The following CROCC variants were observed in gnomAD, a reference collection of about 807,000 sequenced individuals.
CROCC encodes rootletin.
In CROCC, 180 loss-of-function variants were observed where a neutral mutation model predicts 245.2. The ratio of observed to expected loss-of-function variants is 0.73; its 90% confidence interval spans 0.65 to 0.83. The LOEUF is 0.83. Ranked by LOEUF, CROCC falls within the 40% of genes least tolerant of loss-of-function variation. CROCC has a pLI of 0.00. For missense variants in CROCC, 2,688 were observed against 2,779.4 expected, an observed-to-expected ratio of 0.97 and a Z score of 0.74; for synonymous variants, 1,205 against 1,241.6, an observed-to-expected ratio of 0.97 and a Z score of 0.62.
In CROCC at chr1:16,937,634, A is replaced by G; in HGVS notation, c.1194-7A>G. The stretch of plus-strand genomic sequence containing the variant: ...CGTATTCACCTCTGTTGCTCCCCCA[A>G]CTCCAGAGTGACAGAGCTGGGCCTG... On this transcript the variant is annotated splice_region_variant and splice_polypyrimidine_tract_variant and intron_variant, in intron 9 of 36. Transcript: ENST00000375541. 1 of 1,608,294 alleles carries G rather than the reference A, an allele frequency of 6.2e-7. No individual in the cohort carries two copies.
rs1293651006 is a variant in CROCC at position 16,971,558 on chromosome 1, C to G, written c.5878C>G (p.Arg1960Gly). The change falls in exon 36 of 37, where the codon CGG becomes GGG. Residue 1960 changes from arginine to glycine, a missense_variant. Around this residue, in one of 9 missense-constraint regions of CROCC, gnomAD observed 1,218 missense variants for 1,286.3 expected, o/e 0.95. Transcript: ENST00000375541. ...GCTGGAGCTGCAGCAGGAGGTGGAG[C>G]GGCTGCGCAGCGCCCAGGCGCAGAC... ...QQLELQQEVE[R>G]LRSAQAQTER... The G allele has an allele frequency of 1.3e-5, 20 of 1,536,276 alleles. No individual in the cohort carries two copies. Among genetic ancestry groups the G allele is most frequent in the Non-Finnish European group, 1.7e-5 (20 of 1,145,982 alleles).
chr1:16,958,989 G>C (rs1474950995), intron 26 of CROCC, among the ~76,000 whole-genome samples: 1 of 152,160 alleles, frequency 6.6e-6, no homozygotes, highest in African/African-American at 2.4e-5. Flanking sequence ...GATTTCCCCA[G>C]CAGCCCTATG....
At position 16,914,910 on chromosome 1, in the gene CROCC, C is replaced by G. The variant is rs1375360583; in HGVS notation, n.126-15376C>G. The stretch of plus-strand genomic sequence containing the variant: ...TCAGGGTGCCATCTGTCTGTTTACG[C>G]CAGAAAACAGAGATTTCTGTTTTCT... On this transcript the variant is annotated intron_variant and non_coding_transcript_variant, in intron 1 of 8. Transcript: ENST00000466256. Among the ~76,000 whole-genome samples the G allele has an allele frequency of 1.1e-4, 17 of 152,396 alleles. No homozygotes were observed. In the East Asian group the frequency reaches 3.3e-3, roughly 29 times the overall value.
At chr1:16,965,530 GGGA>G (rs1470396716) in intron 27 of CROCC, among the ~76,000 whole-genome samples, 190 bp from the exon 28 acceptor site, 3 of 152,236 alleles carry the variant, frequency 2.0e-5, no homozygotes, top group African/African-American at 7.2e-5. Flanking sequence ...TCTAGAACAT[GGGA>G]GATGCAGGGT....
intron 1 of CROCC, among the ~76,000 whole-genome samples, chr1:16,916,845 C>T (rs1166749223): frequency 1.3e-5 from 2 of 152,296 alleles, no homozygotes; most frequent in African/African-American, 2.4e-5. Flanking sequence ...GGGCTGGGCG[C>T]AGTGGCTCAT....
chr1:16,930,891 C>T (rs1263123560), intron 7 of CROCC, among the ~76,000 whole-genome samples: 6 of 152,284 alleles, frequency 3.9e-5, no homozygotes, highest in Non-Finnish European at 5.9e-5. Context: ...AATCCCAGCA[C>T]TTTGGGAGGC....
intron 26 of CROCC, 119 bp downstream of exon 26, chr1:16,958,869 C>A: frequency 1.8e-6 from 2 of 1,106,030 alleles, no homozygotes; most frequent in Non-Finnish European, 2.6e-6. Flanking sequence ...CCTTCCCCCA[C>A]TCCTTGAGAC....
At chr1:16,958,509 C>T in intron 25 of CROCC, 74 bp from the exon 26 acceptor site, 2 of 1,517,104 alleles carry the variant, frequency 1.3e-6, no homozygotes, top group Admixed American at 2.2e-5. Flanking sequence ...CAGTAGGTAC[C>T]AAGTGGCCTT....
At chr1:16,944,326 C>G in intron 14 of CROCC, 44 bp downstream of exon 14, 1 of 1,476,514 alleles carries the variant, frequency 6.8e-7, no homozygotes, top group Non-Finnish European at 9.0e-7. Flanking sequence ...TCAGATGTGC[C>G]TCGGGTCCCC....
At chr1:16,969,961 T>C in intron 33 of CROCC, 27 bp downstream of exon 33, 1 of 1,548,476 alleles carries the variant, frequency 6.5e-7, no homozygotes, top group Non-Finnish European at 8.7e-7. Context: ...GCCCCCTCTG[T>C]CCCCAAGACT....
intron 1 of CROCC, among the ~76,000 whole-genome samples, chr1:16,916,741 G>A (rs576820003): frequency 6.6e-6 from 1 of 152,414 alleles, no homozygotes; most frequent in East Asian, 1.9e-4. Context: ...TCAAACGCCT[G>A]GGCTCAGGCA....
In CROCC at chr1:16,940,096, G is replaced by GC. The variant is rs1485957723; in HGVS notation, c.1808+5dup. 28 of 1,597,984 alleles carry GC rather than the reference G, an allele frequency of 1.8e-5. No individual in the cohort carries two copies. The Admixed American group carries it at 4.8e-4, about 28-fold the overall frequency. ...AGCGCCAACGAGCTCCTGAGCAGGT[G>GC]CCGGGGAGGTCTGAGCTGGGGGGTA... On this transcript the variant is annotated splice_donor_region_variant and intron_variant, in intron 13 of 36. Transcript: ENST00000375541.
In CROCC at chr1:16,943,712, G is replaced by A. The variant is rs368065502; in HGVS notation, c.1809-388G>A. Among the ~76,000 whole-genome samples, 8 of 152,384 alleles carry A rather than the reference G, an allele frequency of 5.2e-5. No individual in the cohort carries two copies. In the East Asian group the frequency reaches 1.5e-3, roughly 29 times the overall value. On this transcript the variant is annotated intron_variant, in intron 13 of 36. Coordinates refer to ENST00000375541, the MANE Select transcript of CROCC (RefSeq NM_014675.5). ...GGAAGCTGTGGGATCTGCAGACTCA[G>A]CTCTATCAGGCTTCCCAGAATTGAG...
chr1:16,921,961 G>A lies in CROCC; in HGVS notation c.-58G>A. ...ATCCTGGCTGTGGCGCGTGCTGACT[G>A]AGCTAGTCTTGGGGTCCTGGAGAAG... On this transcript the variant is annotated 5_prime_UTR_variant, in exon 1 of 37. Coordinates refer to ENST00000375541, the MANE Select transcript of CROCC (RefSeq NM_014675.5). 2.0e-6 allele frequency: 3 copies of A among 1,484,058 alleles called. No individual in the cohort carries two copies. The highest frequency in any genetic ancestry group is 2.8e-6 in the Non-Finnish European group (3 of 1,085,490). The allele number at this position is 1,484,058 out of a possible 1,614,324, so 91.9% of individuals were successfully genotyped here.
rs566315716 is a variant in CROCC, at chr1:16,922,839, A to C, written c.196+41A>C. ...GCTCCCCTCCACAAACACCACCCAC[A>C]TTTTACCTCTTCTCATGTCCCTTTC... On this transcript the variant is annotated intron_variant, in intron 2 of 36. Transcript: ENST00000375541. The C allele has an allele frequency of 3.8e-6, 6 of 1,594,904 alleles. No individual in the cohort carries two copies. The East Asian group carries it at 1.3e-4, about 36-fold the overall frequency.
chr1:16,959,117 G>C (rs751333874), intron 26 of CROCC, among the ~76,000 whole-genome samples: 2 of 152,168 alleles, frequency 1.3e-5, no homozygotes, highest in Admixed American at 1.3e-4. Flanking sequence ...CCGCCTCCTG[G>C]GTTCAAGCAA....
intron 32 of CROCC, 116 bp downstream of exon 32, chr1:16,969,456 A>G (rs988834090): frequency 2.8e-6 from 3 of 1,064,846 alleles, no homozygotes; most frequent in Non-Finnish European, 1.4e-6. Context: ...GTTGGAGCCA[A>G]TGAGAGCAGG....
At position 16,954,923 on chromosome 1, in the gene CROCC, C is replaced by G; in HGVS notation, c.3465+46C>G. On this transcript the variant is annotated intron_variant, in intron 23 of 36. Coordinates refer to ENST00000375541, the MANE Select transcript of CROCC (RefSeq NM_014675.5). This position sits in a 1 kb window ranked among gnomAD's most constrained non-coding sequence, Gnocchi z 4.4. ...TCCAAGCAGCATACCCTAAATGGCACTGTGTGCCTGGGGGCCTAGTTCCCC... is the reference window on the plus strand; with the variant it reads ...TCCAAGCAGCATACCCTAAATGGCAGTGTGTGCCTGGGGGCCTAGTTCCCC... The G allele has an allele frequency of 2.7e-6, 4 of 1,472,586 alleles. No individual in the cohort carries two copies. The highest frequency in any genetic ancestry group is 3.6e-6 in the Non-Finnish European group (4 of 1,103,900). The allele number at this position is 1,472,586 out of a possible 1,614,324, so 91.2% of individuals were successfully genotyped here.
At chr1:16,958,246 G>A (rs749640846) in intron 25 of CROCC, among the ~76,000 whole-genome samples, 11 of 152,190 alleles carry the variant, frequency 7.2e-5, no homozygotes, top group African/African-American at 9.7e-5. Context: ...CTCCAAAAAC[G>A]TTCATCGCCA....
Sources: gnomAD v4.1 joint callset for allele counts (sites outside exome capture counted in the v4.1 genomes callset) on GRCh38, gnomAD v4.1.1 for gene constraint, gnomAD v4.1.1 regional missense constraint, Gnocchi (gnomAD v3.1) non-coding constraint, MANE v1.5 for transcripts, NCBI Gene and HGNC (gene_info 2026-07-23, HGNC 2026-07-21) for gene names.